CCDC171: variants seen among roughly 807,000 people sequenced by gnomAD.
CCDC171 encodes coiled-coil domain-containing protein 171.
Under a neutral mutation model 168.2 loss-of-function variants are expected in CCDC171, and 177 were observed. The ratio of observed to expected loss-of-function variants is 1.05; its 90% CI spans 0.93 to 1.19. The LOEUF (loss-of-function observed/expected upper bound fraction) is 1.19, where lower values mean the gene tolerates loss of function less well. Among genes scored for constraint, CCDC171 ranks in the 50% most tolerant of loss-of-function variants. The pLI is 0.00. For missense variants in CCDC171, 1,991 were observed against 1,539.0 expected (o/e 1.29, Z -4.91); for synonymous variants, 687 against 540.8 (o/e 1.27, Z -3.75).
intron 3 of CCDC171, among the ~76,000 whole-genome samples, chr9:15,575,320 C>G (rs945017425): frequency 6.6e-6 from 1 of 151,978 alleles, no homozygotes; most frequent in East Asian, 1.9e-4. Context: ...CAGGCACGCA[C>G]GTGCCACCAT....
chr9:16,042,482 A>C (rs1336417968), upstream of CCDC171, among the ~76,000 whole-genome samples: 2 of 152,204 alleles, frequency 1.3e-5, no homozygotes, highest in Admixed American at 6.5e-5. Context: ...CCTCGAGGAA[A>C]TCACTTGATT....
intron 21 of CCDC171, among the ~76,000 whole-genome samples, chr9:15,809,308 A>G (rs1462292370): frequency 2.6e-5 from 4 of 152,206 alleles, no homozygotes; most frequent in Non-Finnish European, 4.4e-5. Context: ...TATGGTAACC[A>G]CTAGCCACGT....
At chr9:15,791,698 G>C (rs1270086831) in intron 21 of CCDC171, among the ~76,000 whole-genome samples, 1 of 152,120 alleles carries the variant, frequency 6.6e-6, no homozygotes, top group African/African-American at 2.4e-5. Flanking sequence ...CTCTGCTGCT[G>C]ATACCCGGCA....
At chr9:15,795,184 G>T (rs1178042764) in intron 21 of CCDC171, among the ~76,000 whole-genome samples, 1 of 152,204 alleles carries the variant, frequency 6.6e-6, no homozygotes, top group African/African-American at 2.4e-5. Context: ...GGGCAAGAGA[G>T]TGTGCTTGCA....
At chr9:15,908,905 G>A (rs539255274) in intron 24 of CCDC171, among the ~76,000 whole-genome samples, 3 of 152,124 alleles carry the variant, frequency 2.0e-5, no homozygotes, top group African/African-American at 4.8e-5. Context: ...ACCAGGTCCC[G>A]CTTCCAGCAC....
At position 15,572,622 on chromosome 9, in the gene CCDC171, T is replaced by C. The variant is rs182965027; in HGVS notation, c.177+863T>C. Among the ~76,000 whole-genome samples the C allele has an allele frequency of 7.9e-4, 121 of 152,322 alleles. 1 individual carries two copies. Among genetic ancestry groups the C allele is most frequent in the African/African-American group, 2.7e-3 (114 of 41,576 alleles). On this transcript the variant is annotated intron_variant, in intron 3 of 25. Coordinates refer to ENST00000380701, the MANE Select transcript of CCDC171 (RefSeq NM_173550.4). Reference sequence around the variant, plus strand: ...ATGTTTTTCTTCCCTTTTTGCTAAGTTCTGCAGTTCTCATGTTGGGAAACC... The same window carrying C: ...ATGTTTTTCTTCCCTTTTTGCTAAGCTCTGCAGTTCTCATGTTGGGAAACC...
chr9:15,604,647 G>A (rs2043091581), intron 6 of CCDC171, among the ~76,000 whole-genome samples: 1 of 152,158 alleles, frequency 6.6e-6, no homozygotes, highest in Non-Finnish European at 1.5e-5. Flanking sequence ...AGAGGAGGAA[G>A]AGTAGGGAGG....
intron 25 of CCDC171, among the ~76,000 whole-genome samples, chr9:15,964,442 G>A (rs1196425841): frequency 3.3e-5 from 2 of 61,208 alleles, no homozygotes; most frequent in African/African-American, 9.7e-5. Context: ...CAATTCTCTC[G>A]AATTGTTTGG....
intron 3 of CCDC171, among the ~76,000 whole-genome samples, chr9:15,574,940 G>A (rs1019982774): frequency 6.6e-5 from 10 of 152,134 alleles, no homozygotes; most frequent in South Asian, 2.1e-4. Context: ...AGACTCATAC[G>A]TTCCAGATGA....
intron 6 of CCDC171, among the ~76,000 whole-genome samples, chr9:15,614,286 C>A (rs2043924228): frequency 1.3e-5 from 2 of 152,184 alleles, no homozygotes; most frequent in Non-Finnish European, 2.9e-5. Flanking sequence ...AGCTCCAACT[C>A]TGTTCTTCTC....
At chr9:16,073,232 C>A in the CCDC171 span, among the ~76,000 whole-genome samples, 1 of 152,210 alleles carries the variant, frequency 6.6e-6, no homozygotes, top group Non-Finnish European at 1.5e-5. Context: ...GATGGCACAG[C>A]TTGCACAGGA....
intron 13 of CCDC171, among the ~76,000 whole-genome samples, chr9:15,724,049 G>A (rs77723542): frequency 0.017 from 2,591 of 152,160 alleles, 97 homozygotes; most frequent in African/African-American, 0.059. Flanking sequence ...CCTTAGGTAC[G>A]TACTAAACAT....
intron 24 of CCDC171, among the ~76,000 whole-genome samples, chr9:15,910,925 T>G (rs1823535472): frequency 6.6e-6 from 1 of 152,234 alleles, no homozygotes; most frequent in South Asian, 2.1e-4. Context: ...ATGTGCCACA[T>G]TTTCTTTATC....
Position 15,949,448 on chromosome 9 carries a change from A to C in CCDC171, c.3754-22161A>C, listed in dbSNP as rs76042372. ...TTTTCACGATATTGATTCTTCCTAC[A>C]CATGAGCATGGAATGTTCTTCCATT... On this transcript the variant is annotated intron_variant, in intron 25 of 25. Transcript: ENST00000380701. Among the ~76,000 whole-genome samples, 332 of 151,480 alleles carry C rather than the reference A, an allele frequency of 2.2e-3. 1 individual carries two copies. Among genetic ancestry groups the C allele is most frequent in the African/African-American group, 7.0e-3 (287 of 41,208 alleles).
chr9:15,758,711 G>A (rs969903031), intron 18 of CCDC171, among the ~76,000 whole-genome samples: 2 of 152,136 alleles, frequency 1.3e-5, no homozygotes, highest in African/African-American at 4.8e-5. Context: ...GGACCCAGTG[G>A]GAGATAATTG....
At position 15,597,660 on chromosome 9, in the gene CCDC171, A is replaced by C. The variant is rs188496319; in HGVS notation, c.675+3488A>C. 6.9e-3 allele frequency among the ~76,000 whole-genome samples: 1,050 copies of C among 152,308 alleles called. 10 individuals are homozygous for C. Among genetic ancestry groups the C allele is most frequent in the Non-Finnish European group, 8.6e-3 (588 of 68,032 alleles). ...CCTATCAGGATGATGCTGGCCTCAT[A>C]AAATGAGTTAGGGAGGATTCCCTCT... is the stretch of plus-strand genomic sequence containing the variant. On this transcript the variant is annotated intron_variant, in intron 6 of 25. Transcript: ENST00000380701.
At chr9:15,851,910 C>T (rs1489498951) in intron 23 of CCDC171, among the ~76,000 whole-genome samples, 1 of 151,810 alleles carries the variant, frequency 6.6e-6, no homozygotes, top group African/African-American at 2.4e-5. Context: ...TGTATTGATA[C>T]GTCATACCCT....
At chr9:15,880,436 C>A (rs1818467017) in intron 24 of CCDC171, among the ~76,000 whole-genome samples, 1 of 150,144 alleles carries the variant, frequency 6.7e-6, no homozygotes. Context: ...ATGAACATAT[C>A]TGTCACTTCC....
chr9:16,088,630 A>G, the CCDC171 span, among the ~76,000 whole-genome samples: 1 of 152,218 alleles, frequency 6.6e-6, no homozygotes, highest in Admixed American at 6.5e-5. Context: ...AAGGGAATAA[A>G]ATACCTAGGA....
Sources: allele counts gnomAD v4.1 joint callset (sites outside exome capture counted in the v4.1 genomes callset), GRCh38; gene constraint gnomAD v4.1.1; transcripts MANE v1.5; gene names NCBI Gene and HGNC (gene_info 2026-07-23, HGNC 2026-07-21).